The following ZSWIM7 variants were observed in gnomAD, a reference collection of about 807,000 sequenced individuals.
ZSWIM7 encodes zinc finger SWIM-type containing 7.
Under a neutral mutation model 21.1 loss-of-function variants are expected in ZSWIM7, and 22 were observed. The observed-to-expected ratio is 1.04, with a 90% CI of 0.74 to 1.49. The LOEUF is 1.49. Among genes scored for constraint, ZSWIM7 ranks in the 40% most tolerant of loss-of-function variants. The pLI is 0.00. For synonymous variants in ZSWIM7, 67 were observed against 66.5 expected (o/e 1.01, Z -0.04); for missense variants, 193 against 168.0 (o/e 1.15, Z -0.82).
Position 15,999,561 on chromosome 17 carries a change from G to T in ZSWIM7, c.34C>A (p.Leu12Ile). The T allele has an allele frequency of 6.3e-7, 1 of 1,591,802 alleles. No individual in the cohort carries two copies. The highest frequency in any genetic ancestry group is 8.6e-7 in the Non-Finnish European group (1 of 1,169,164). The change falls in exon 1 of 5, where the codon CTC (leucine) becomes ATC (isoleucine). Residue 12 changes from leucine (L) to isoleucine (I), a missense_variant. Physicochemically the swap from Leu to Ile is conservative, Grantham distance 5 (BLOSUM62 2). Coordinates refer to ENST00000399277, the MANE Select transcript of ZSWIM7 (RefSeq NM_001042697.2). ...ACCGCCGCCGCCATCTCGCTCAGGA[G>T]CTCCTCCACAACCGCCGGCAACACT... is the stretch of plus-strand genomic sequence containing the variant. Reference protein sequence around the residue: ...AVVLPAVVEELLSEMAAAVQE... With the variant: ...AVVLPAVVEEILSEMAAAVQE...
intron 3 of ZSWIM7, among the ~76,000 whole-genome samples, chr17:15,983,414 C>T (rs1050337998): frequency 6.8e-6 from 1 of 147,766 alleles, no homozygotes; most frequent in African/African-American, 2.5e-5. Context: ...GCACACCTTG[C>T]ATATTACCTA....
chr17:15,983,049 TC>T (rs1489328742), intron 3 of ZSWIM7, among the ~76,000 whole-genome samples: 1 of 151,968 alleles, frequency 6.6e-6, no homozygotes, highest in Admixed American at 6.6e-5. Flanking sequence ...CTGAACACAT[TC>T]AAGATTTCAG....
rs906085335 is a variant in ZSWIM7, at chr17:15,999,416, C to T, written c.76+103G>A. 2.8e-6 allele frequency: 4 copies of T among 1,405,078 alleles called. No homozygotes were observed. In the Admixed American group the frequency reaches 5.8e-5, roughly 20 times the overall value. 87.0% of individuals were successfully genotyped at this position (1,405,078 alleles called of 1,614,324 possible). Reference sequence around the variant, plus strand: ...TTTAGAGAACCACATGGAAAAAAGGCAGGGCCAGGCCCGGACACCCCGCCT... The same window carrying T: ...TTTAGAGAACCACATGGAAAAAAGGTAGGGCCAGGCCCGGACACCCCGCCT... On this transcript the variant is annotated intron_variant, in intron 1 of 4. Transcript: ENST00000399277.
In ZSWIM7 at chr17:15,999,042, C is replaced by T. The variant is rs138311147; in HGVS notation, c.76+477G>A. 5.3e-3 allele frequency among the ~76,000 whole-genome samples: 800 copies of T among 152,260 alleles called. 8 individuals carry two copies. The highest frequency in any genetic ancestry group is 0.018 in the African/African-American group (758 of 41,530). On this transcript the variant is annotated intron_variant, in intron 1 of 4. Coordinates refer to ENST00000399277, the MANE Select transcript of ZSWIM7 (RefSeq NM_001042697.2). ...AAGTGCTGGGATTACGGGAGTGAGC[C>T]ACTGCGCTGGGCCTACTTTTTAAAG...
chr17:15,992,191 CGTT>C (rs1158429985), intron 2 of ZSWIM7, among the ~76,000 whole-genome samples: 2 of 151,886 alleles, frequency 1.3e-5, no homozygotes, highest in Non-Finnish European at 2.9e-5. Flanking sequence ...CCTCCCAAAG[CGTT>C]GGGATTACAG....
In ZSWIM7 at chr17:15,977,748, T is replaced by C; in HGVS notation, c.*299A>G. The C allele has an allele frequency of 4.2e-6, 1 of 239,282 alleles. No individual in the cohort carries two copies. The highest frequency in any genetic ancestry group is 7.7e-5 in the South Asian group (1 of 13,066). The allele number at this position is 239,282 out of a possible 1,614,324, so 14.8% of individuals were successfully genotyped here. A position where few individuals can be genotyped will look rare whatever the true frequency, so the allele number is the denominator to read the frequency against. ...TAAATAATGTGGACACAACATGATA[T>C]TAGGCTTTATTTGAATTTAAAATCT... is the stretch of plus-strand genomic sequence containing the variant. On this transcript the variant is annotated 3_prime_UTR_variant, in exon 5 of 5. Transcript: ENST00000399277.
chr17:15,979,604 G>A (rs2151618473), intron 4 of ZSWIM7, among the ~76,000 whole-genome samples: 1 of 149,372 alleles, frequency 6.7e-6, no homozygotes, highest in East Asian at 2.0e-4. Context: ...CGAGGCGGCT[G>A]GCCAGGCGGG....
chr17:15,982,279 T>C (rs1180318028), intron 3 of ZSWIM7, among the ~76,000 whole-genome samples: 3 of 152,184 alleles, frequency 2.0e-5, no homozygotes, highest in African/African-American at 7.2e-5. Context: ...AAACTTTTTG[T>C]TGAGGTCTTC....
chr17:15,985,430 C>T (rs1219316937), intron 3 of ZSWIM7, among the ~76,000 whole-genome samples: 1 of 152,068 alleles, frequency 6.6e-6, no homozygotes, highest in Non-Finnish European at 1.5e-5. Context: ...TGAAGAATGA[C>T]CTATGAAAAG....
intron 4 of ZSWIM7, among the ~76,000 whole-genome samples, chr17:15,978,443 CA>C: frequency 6.6e-6 from 1 of 152,190 alleles, no homozygotes; most frequent in East Asian, 1.9e-4. Context: ...ACTAAAAATA[CA>C]AAAATTAGCT....
intron 2 of ZSWIM7, among the ~76,000 whole-genome samples, chr17:15,992,731 G>A (rs1022028952): frequency 7.2e-5 from 11 of 152,112 alleles, no homozygotes; most frequent in Non-Finnish European, 1.2e-4. Context: ...GAGCCATTGC[G>A]CCCGGCCAAC....
chr17:15,977,203 A>G lies in ZSWIM7; in HGVS notation c.*844T>C, dbSNP rs953092616. 6 of 152,222 alleles carry G rather than the reference A, an allele frequency of 3.9e-5. No homozygotes were observed. The highest frequency in any genetic ancestry group is 7.3e-5 in the Non-Finnish European group (5 of 68,052). 9.4% of individuals were successfully genotyped at this position (152,222 alleles called of 1,614,324 possible). A position where few individuals can be genotyped will look rare whatever the true frequency, so the allele number is the denominator to read the frequency against. On this transcript the variant is annotated 3_prime_UTR_variant, in exon 5 of 5. Coordinates refer to ENST00000399277, the MANE Select transcript of ZSWIM7 (RefSeq NM_001042697.2). ...CTGTTTTGGCACAAGCATCACAGAT[A>G]TTTGAAGCTTACAGAAACCAGAACC...
chr17:15,989,564 C>T (rs534226843), intron 2 of ZSWIM7, among the ~76,000 whole-genome samples: 8 of 152,188 alleles, frequency 5.3e-5, no homozygotes, highest in South Asian at 2.1e-4. Context: ...GTGATCCCCC[C>T]GCCTTGGCCT....
At chr17:15,978,961 TA>T (rs1357691141) in intron 4 of ZSWIM7, among the ~76,000 whole-genome samples, 3 of 150,060 alleles carry the variant, frequency 2.0e-5, no homozygotes, top group Non-Finnish European at 3.0e-5. Flanking sequence ...TTTTTTTTTT[TA>T]ATTTTAATTT....
intron 3 of ZSWIM7, among the ~76,000 whole-genome samples, chr17:15,985,915 C>T (rs999448668): frequency 2.6e-5 from 4 of 152,224 alleles, no homozygotes; most frequent in South Asian, 2.1e-4. Context: ...AGGACAGACA[C>T]ACCTCCTCAG....
chr17:15,981,134 C>T lies in ZSWIM7; in HGVS notation c.212G>A (p.Ser71Asn), dbSNP rs371981952. 3 of 1,613,250 alleles carry T rather than the reference C, an allele frequency of 1.9e-6. No individual in the cohort carries two copies. The highest frequency in any genetic ancestry group is 2.5e-6 in the Non-Finnish European group (3 of 1,179,466). ...CAAACATGTGTATGTTTTACTGGAA[C>T]TTCCAAGGACCTACAAAGAAAGGAT... ...SGRRVYQVLG[S>N]SSKTYTCLAS... Residue 71 changes from serine (S) to asparagine (N), a missense_variant, in exon 4 of 5, where the codon AGT becomes AAT. Transcript: ENST00000399277.
chr17:15,979,644 G>A (rs1367227007), intron 4 of ZSWIM7, among the ~76,000 whole-genome samples: 2 of 130,434 alleles, frequency 1.5e-5, no homozygotes, highest in Non-Finnish European at 3.3e-5. Context: ...CCTCCCGGAC[G>A]GGGCGGCTGG....
In ZSWIM7 at chr17:15,999,502, C is replaced by A. The variant is rs60636875; in HGVS notation, c.76+17G>T. 9,890 of 1,596,822 alleles carry A rather than the reference C, an allele frequency of 6.2e-3. 502 individuals carry two copies. The African/African-American group carries it at 0.11, about 18-fold the overall frequency. ...CCCGCGCCCATGGCGCAGCCACACA[C>A]GACCTCGGTCCCGTACTTCGCGCGC... On this transcript the variant is annotated intron_variant, in intron 1 of 4. Transcript: ENST00000399277.
At chr17:15,978,241 C>T in intron 4 of ZSWIM7, 78 bp from the exon 5 acceptor site, 1 of 1,016,666 alleles carries the variant, frequency 9.8e-7, no homozygotes, top group Non-Finnish European at 1.5e-6. Flanking sequence ...TTCTCATTAC[C>T]ATCTTATTTG....
Sources: gnomAD v4.1 joint callset for allele counts (sites outside exome capture counted in the v4.1 genomes callset) on GRCh38, gnomAD v4.1.1 for gene constraint, MANE v1.5 for transcripts, NCBI Gene and HGNC (gene_info 2026-07-23, HGNC 2026-07-21) for gene names.